UPF3B: variants seen among roughly 807,000 people sequenced by gnomAD.
UPF3B encodes the protein regulator of nonsense transcripts 3B.
UPF3B carries 7 observed loss-of-function variants against 40.3 expected under a neutral mutation model. The ratio of observed to expected loss-of-function variants is 0.17; its 90% confidence interval spans 0.10 to 0.33. The LOEUF (loss-of-function observed/expected upper bound fraction) is 0.33, where lower values mean the gene tolerates loss of function less well. Among genes scored for constraint, UPF3B ranks in the 10% least tolerant of loss-of-function variants. The pLI is 1.00. For synonymous variants in UPF3B, 117 were observed against 117.3 expected, an observed-to-expected ratio of 1.00 and a Z score of 0.01; for missense variants, 229 against 358.9, an observed-to-expected ratio of 0.64 and a Z score of 2.93.
chrX:119,830,664 G>A (rs1431127042), downstream of UPF3B, among the ~76,000 whole-genome samples: 1 of 108,503 alleles, frequency 9.2e-6, no homozygotes, highest in Admixed American at 1.0e-4. Context: ...AAAAACCAAG[G>A]TAAGCTAGTG....
downstream of UPF3B, among the ~76,000 whole-genome samples, chrX:119,832,410 C>G (rs1172057196): frequency 9.0e-6 from 1 of 111,589 alleles, no homozygotes; most frequent in Non-Finnish European, 1.9e-5. Flanking sequence ...AGGTGCCCAC[C>G]ACCACACTCG....
intron 3 of UPF3B, among the ~76,000 whole-genome samples, chrX:119,846,507 A>T (rs1269624173): frequency 4.1e-5 from 3 of 72,976 alleles, no homozygotes; most frequent in African/African-American, 2.4e-4. Flanking sequence ...GAGCCTGGTA[A>T]AAAAAAAAAA....
chrX:119,807,040 AAAAAAAAAAAAGAAAAAAAAAAAAG>A (rs975032017), intron 6 of UPF3B, among the ~76,000 whole-genome samples: 2 of 98,850 alleles, frequency 2.0e-5, no homozygotes, highest in Non-Finnish European at 3.9e-5. Context: ...AAAAAAAAAA[AAAAAAAAAAAAGAAAAAAAAAAAAG>A]AAAATTCAAC....
intron 8 of UPF3B, 67 bp downstream of exon 8, chrX:119,840,579 C>T: frequency 9.5e-7 from 1 of 1,055,326 alleles, no homozygotes; most frequent in African/African-American, 1.8e-5. Context: ...ACCAAAAGGA[C>T]TTATTAGCTA....
chrX:119,846,074 C>T (rs1457554580), intron 3 of UPF3B, among the ~76,000 whole-genome samples: 3 of 110,501 alleles, frequency 2.7e-5, no homozygotes, highest in Non-Finnish European at 5.7e-5. Context: ...TGGCTTATGC[C>T]TATAATCCCA....
At chrX:119,837,272 G>A (rs1164630257) in intron 10 of UPF3B, among the ~76,000 whole-genome samples, 1 of 108,951 alleles carries the variant, frequency 9.2e-6, no homozygotes, top group Non-Finnish European at 1.9e-5. Flanking sequence ...TTCTACTTTT[G>A]TGTATGTTTA....
chrX:119,812,272 C>G (rs184995324), intron 5 of UPF3B, among the ~76,000 whole-genome samples: 139 of 109,617 alleles, frequency 1.3e-3, no homozygotes, highest in South Asian at 2.7e-3. Context: ...AGAAAAAAAT[C>G]CACCTAGGAA....
intron 5 of UPF3B, among the ~76,000 whole-genome samples, chrX:119,811,387 C>G (rs923673802): frequency 9.0e-6 from 1 of 110,704 alleles, no homozygotes; most frequent in Non-Finnish European, 1.9e-5. Context: ...TGGCTCACAC[C>G]TGTAATCCCA....
chrX:119,813,857 C>G (rs767905713), intron 5 of UPF3B, among the ~76,000 whole-genome samples: 4 of 110,824 alleles, frequency 3.6e-5, no homozygotes, highest in Non-Finnish European at 7.6e-5. Flanking sequence ...AGCCACCGTG[C>G]CTGGCCAAAC....
chrX:119,820,836 G>A (rs1340195702), intron 4 of UPF3B, among the ~76,000 whole-genome samples: 1 of 111,401 alleles, frequency 9.0e-6, no homozygotes, highest in African/African-American at 3.3e-5. Context: ...AGCACTTTTC[G>A]AGGCTACAGT....
chrX:119,848,932 T>C (rs2056267794), intron 3 of UPF3B, among the ~76,000 whole-genome samples: 1 of 111,609 alleles, frequency 9.0e-6, no homozygotes, highest in South Asian at 3.7e-4. Context: ...CAGAAACCAC[T>C]GAATTGTACG....
At chrX:119,818,258 C>G (rs1210347624) in intron 4 of UPF3B, among the ~76,000 whole-genome samples, 1 of 109,652 alleles carries the variant, frequency 9.1e-6, no homozygotes, top group African/African-American at 3.3e-5. Flanking sequence ...GAATGAGACT[C>G]CGTCTTAAAA....
rs771548346 is a variant in UPF3B at position 119,845,157 on chromosome X, C to T, written c.469+41G>A. ...CTCACAAAGATATTATTTTTAAAAACCCCACAGCAATAGCATTATATAATT... is the reference window on the plus strand; with the variant it reads ...CTCACAAAGATATTATTTTTAAAAATCCCACAGCAATAGCATTATATAATT... On this transcript the variant is annotated intron_variant, in intron 4 of 10. Transcript: ENST00000276201. 6.5e-6 allele frequency: 7 copies of T among 1,080,211 alleles called. No homozygotes were observed. The Admixed American group carries it at 1.5e-4, about 24-fold the overall frequency. The allele number at this position is 1,080,211 out of a possible 1,213,427, so 89.0% of individuals were successfully genotyped here.
chrX:119,830,019 C>G (rs2056020335), downstream of UPF3B, among the ~76,000 whole-genome samples: 3 of 111,924 alleles, frequency 2.7e-5, no homozygotes, highest in Admixed American at 2.9e-4. Context: ...TGTCGCCCAG[C>G]TGACAATCAT....
At chrX:119,833,332 T>C (rs1054918335), downstream of UPF3B, among the ~76,000 whole-genome samples, 9 of 112,122 alleles carry the variant, frequency 8.0e-5, no homozygotes, top group African/African-American at 2.9e-4. Flanking sequence ...TATTTATTTT[T>C]AAATTATTAT....
At chrX:119,833,685 T>C (rs1461626711), downstream of UPF3B, among the ~76,000 whole-genome samples, 1 of 112,044 alleles carries the variant, frequency 8.9e-6, no homozygotes, top group African/African-American at 3.2e-5. Flanking sequence ...TTTGTATTTT[T>C]AGTAGAGATG....
At chrX:119,848,406 G>T (rs909191315) in intron 3 of UPF3B, among the ~76,000 whole-genome samples, 17 of 110,559 alleles carry the variant, frequency 1.5e-4, no homozygotes, top group Non-Finnish European at 1.1e-4. Flanking sequence ...CCTATATGTG[G>T]TACCTACAGT....
intron 5 of UPF3B, among the ~76,000 whole-genome samples, chrX:119,842,593 CACACACACACAT>C (rs1467199414): frequency 4.4e-4 from 37 of 84,936 alleles, no homozygotes; most frequent in African/African-American, 1.7e-3. Context: ...CACACACACA[CACACACACACAT>C]ACACACACAC....
At chrX:119,807,664 T>A in intron 5 of UPF3B, 2 of 478,846 alleles carry the variant, frequency 4.2e-6, no homozygotes, top group Non-Finnish European at 5.2e-6. Context: ...TTATATATAT[T>A]AATATATACT....
Sources: gnomAD v4.1 joint callset for allele counts (sites outside exome capture counted in the v4.1 genomes callset) on GRCh38, gnomAD v4.1.1 for gene constraint, MANE v1.5 for transcripts, NCBI Gene and HGNC (gene_info 2026-07-23, HGNC 2026-07-21) for gene names.